SEC24B: variants seen among roughly 807,000 people sequenced by gnomAD.
SEC24B encodes SEC24 homolog B, COPII component, also known as protein transport protein Sec24B.
In SEC24B, 45 loss-of-function variants were observed where a neutral mutation model predicts 142.8. The ratio of observed to expected loss-of-function variants is 0.32; its 90% CI spans 0.25 to 0.40. The LOEUF (loss-of-function observed/expected upper bound fraction) is 0.40, where lower values mean the gene tolerates loss of function less well. SEC24B is among the 10% of genes least tolerant of loss of function. SEC24B has a pLI of 1.00. For synonymous variants in SEC24B, 574 were observed against 568.2 expected (o/e 1.01, Z -0.15); for missense variants, 1,409 against 1,526.8 (o/e 0.92, Z 1.29).
At chr4:109,500,320 G>A (rs1735983505) in intron 6 of SEC24B, among the ~76,000 whole-genome samples, 1 of 152,026 alleles carries the variant, frequency 6.6e-6, no homozygotes, top group Non-Finnish European at 1.5e-5. Context: ...GAGGTGGGTG[G>A]ATCACCTGAG....
chr4:109,523,945 T>G (rs1445741811), intron 14 of SEC24B, among the ~76,000 whole-genome samples: 1 of 152,190 alleles, frequency 6.6e-6, no homozygotes, highest in Admixed American at 6.5e-5. Context: ...TTATAGAAAT[T>G]GTATTTTAAA....
intron 4 of SEC24B, among the ~76,000 whole-genome samples, chr4:109,487,884 C>G (rs1734549907): frequency 6.6e-6 from 1 of 152,116 alleles, no homozygotes; most frequent in Non-Finnish European, 1.5e-5. Flanking sequence ...TACTTTAAAA[C>G]TTATAGCCTT....
At chr4:109,445,248 T>TG (rs978188102) in intron 1 of SEC24B, among the ~76,000 whole-genome samples, 1 of 144,394 alleles carries the variant, frequency 6.9e-6, no homozygotes, top group African/African-American at 2.6e-5. Flanking sequence ...CTTTGTTTTT[T>TG]TTTTTTTTTT....
chr4:109,467,787 A>T (rs932144521), intron 2 of SEC24B, among the ~76,000 whole-genome samples: 1 of 152,224 alleles, frequency 6.6e-6, no homozygotes, highest in Non-Finnish European at 1.5e-5. Context: ...TTCTTGCTTA[A>T]TAAGGACCAC....
At chr4:109,447,615 CA>C (rs1729605254) in intron 1 of SEC24B, among the ~76,000 whole-genome samples, 1 of 151,396 alleles carries the variant, frequency 6.6e-6, no homozygotes, top group Non-Finnish European at 1.5e-5. Flanking sequence ...ATTTATTGAT[CA>C]AATGTTGGCA....
chr4:109,473,113 A>T lies in SEC24B; in HGVS notation c.987A>T (p.Thr329=). ...CCTCAGGATCCTCATCAACAAGAAC[A>T]CCTCCCACTGCAAATCACCCAGTTG... ...SGSSGSSSTR[T]PPTANHPVEP... Residue 329 remains threonine (T), a synonymous_variant, in exon 3 of 24, where the codon ACA becomes ACT. Transcript: ENST00000265175. 1.3e-6 allele frequency: 2 copies of T among 1,599,688 alleles called. No individual in the cohort carries two copies. The highest frequency in any genetic ancestry group is 1.7e-6 in the Non-Finnish European group (2 of 1,173,344).
At chr4:109,485,587 G>A (rs1277841491) in intron 4 of SEC24B, among the ~76,000 whole-genome samples, 1 of 151,750 alleles carries the variant, frequency 6.6e-6, no homozygotes, top group Non-Finnish European at 1.5e-5. Flanking sequence ...CTCTATTAAT[G>A]GTTTTTTAAA....
In SEC24B at chr4:109,455,412, G is replaced by A. The variant is rs567013409; in HGVS notation, c.134-7489G>A. On this transcript the variant is annotated intron_variant, in intron 1 of 23. Coordinates refer to ENST00000265175, the MANE Select transcript of SEC24B (RefSeq NM_006323.5). ...ATTTCAGGCATGCACCACCATGCCC[G>A]GCTAATTTTGTAGAGATGGGGTTTC... Among the ~76,000 whole-genome samples, 222 of 152,024 alleles carry A rather than the reference G, an allele frequency of 1.5e-3. 1 individual carries two copies. Among genetic ancestry groups the A allele is most frequent in the Admixed American group, 2.3e-3 (35 of 15,274 alleles).
At chr4:109,511,889 A>ATCTGTG in intron 8 of SEC24B, 68 bp from the exon 9 acceptor site, 1 of 1,489,054 alleles carries the variant, frequency 6.7e-7, no homozygotes, top group Non-Finnish European at 9.2e-7. Context: ...TTTGGAGCAG[A>ATCTGTG]TCTGTGTACG....
At chr4:109,445,861 C>T (rs1032907497) in intron 1 of SEC24B, among the ~76,000 whole-genome samples, 7 of 151,684 alleles carry the variant, frequency 4.6e-5, no homozygotes, top group Middle Eastern at 3.4e-3. Context: ...TGTGAGCCAC[C>T]GCACCCAGCC....
chr4:109,477,585 C>G (rs942745126), intron 3 of SEC24B, among the ~76,000 whole-genome samples: 6 of 152,056 alleles, frequency 3.9e-5, no homozygotes, highest in Admixed American at 2.6e-4. Context: ...CTTGGCCTCC[C>G]AAGGTGCTCA....
At chr4:109,440,607 T>G (rs1007669256) in intron 1 of SEC24B, among the ~76,000 whole-genome samples, 1 of 152,248 alleles carries the variant, frequency 6.6e-6, no homozygotes, top group Non-Finnish European at 1.5e-5. Context: ...TAATAATACC[T>G]TTCTTACAGA....
At chr4:109,533,812 C>A in intron 22 of SEC24B, 127 bp downstream of exon 22, 1 of 672,366 alleles carries the variant, frequency 1.5e-6, no homozygotes, top group South Asian at 1.7e-5. Flanking sequence ...CAGTGTTTTA[C>A]AGCCATTACC....
At chr4:109,531,029 G>C (rs1364935216) in intron 19 of SEC24B, among the ~76,000 whole-genome samples, 1 of 151,822 alleles carries the variant, frequency 6.6e-6, no homozygotes, top group African/African-American at 2.4e-5. Flanking sequence ...TGCAGTCATA[G>C]CTCACTCTTA....
At chr4:109,534,221 A>T (rs1725244176) in intron 22 of SEC24B, among the ~76,000 whole-genome samples, 1 of 151,934 alleles carries the variant, frequency 6.6e-6, no homozygotes, top group South Asian at 2.1e-4. Flanking sequence ...TTTCAAATGG[A>T]TCAAACATTT....
chr4:109,466,475 ATCTC>A (rs1156437469), intron 2 of SEC24B, among the ~76,000 whole-genome samples: 3 of 152,236 alleles, frequency 2.0e-5, no homozygotes, highest in Non-Finnish European at 2.9e-5. Context: ...CAGTGGCGCC[ATCTC>A]AGCTCACTGC....
At chr4:109,456,353 T>TTA (rs1553995174) in intron 1 of SEC24B, among the ~76,000 whole-genome samples, 1 of 148,774 alleles carries the variant, frequency 6.7e-6, no homozygotes, top group African/African-American at 2.5e-5. Flanking sequence ...TTTTTTTTTT[T>TTA]ACTCCTTTCC....
chr4:109,538,727 T>A (rs1281469895), intron 23 of SEC24B, 131 bp downstream of exon 23: 1 of 588,092 alleles, frequency 1.7e-6, no homozygotes, highest in Non-Finnish European at 3.1e-6. Flanking sequence ...TTGATTTAAA[T>A]CCCCTGTATT....
intron 3 of SEC24B, among the ~76,000 whole-genome samples, chr4:109,474,360 A>G (rs1468020915): frequency 1.3e-5 from 2 of 148,936 alleles, no homozygotes; most frequent in Non-Finnish European, 3.0e-5. Context: ...ACTGCCTTCC[A>G]TTTCTTAAAT....
Sources: allele counts gnomAD v4.1 joint callset (sites outside exome capture counted in the v4.1 genomes callset), GRCh38; gene constraint gnomAD v4.1.1; transcripts MANE v1.5; gene names NCBI Gene and HGNC (gene_info 2026-07-23, HGNC 2026-07-21).